The following RAPGEF1 variants were observed in gnomAD, a reference collection of about 807,000 sequenced individuals.
RAPGEF1 encodes the protein CRK SH3-binding GNRP.
RAPGEF1 carries 33 observed loss-of-function variants against 143.3 expected under a neutral mutation model. The ratio of observed to expected loss-of-function variants is 0.23; its 90% CI spans 0.17 to 0.31. RAPGEF1 has a LOEUF of 0.31. RAPGEF1 is among the 10% of genes least tolerant of loss of function. The probability of loss-of-function intolerance (pLI) is 1.00; values close to 1 mark genes in which losing one functional copy is unlikely to be tolerated. For synonymous variants in RAPGEF1, 629 were observed against 676.5 expected (o/e 0.93, Z 1.09); for missense variants, 1,199 against 1,645.4 (o/e 0.73, Z 4.69).
At chr9:131,690,948 C>A (rs1444696238) in intron 1 of RAPGEF1, among the ~76,000 whole-genome samples, 1 of 152,168 alleles carries the variant, frequency 6.6e-6, no homozygotes, top group Non-Finnish European at 1.5e-5. Context: ...TTGATTTACT[C>A]TTAATGAGAA....
chr9:131,600,652 G>T (rs1956117983), intron 15 of RAPGEF1, among the ~76,000 whole-genome samples: 1 of 152,154 alleles, frequency 6.6e-6, no homozygotes, highest in African/African-American at 2.4e-5. Flanking sequence ...TTGCTCTAAG[G>T]TCACCAAAGA....
rs114108988 is a variant in RAPGEF1, at chr9:131,594,453, G to A, written c.2689+1845C>T. Reference sequence around the variant, plus strand: ...GGTCCTGACACCTGAGAGCAGAGCCGTGCAACCACAAAGCACCCCCACACG... The same window carrying A: ...GGTCCTGACACCTGAGAGCAGAGCCATGCAACCACAAAGCACCCCCACACG... On this transcript the variant is annotated intron_variant, in intron 17 of 26. Transcript: ENST00000683357. 2.8e-3 allele frequency among the ~76,000 whole-genome samples: 429 copies of A among 152,256 alleles called. 1 individual carries two copies. Among genetic ancestry groups the A allele is most frequent in the African/African-American group, 9.4e-3 (391 of 41,542 alleles).
chr9:131,695,270 A>G (rs1399896904), intron 1 of RAPGEF1, among the ~76,000 whole-genome samples: 1 of 152,150 alleles, frequency 6.6e-6, no homozygotes, highest in Non-Finnish European at 1.5e-5. Context: ...TCTTTAGCTC[A>G]AATCCCCGCC....
chr9:131,630,116 G>A (rs1036568645), intron 6 of RAPGEF1, 120 bp downstream of exon 6: 2 of 808,900 alleles, frequency 2.5e-6, no homozygotes, highest in South Asian at 1.5e-5. Flanking sequence ...ACTGAAAAAG[G>A]AATATGGGCC....
intron 1 of RAPGEF1, among the ~76,000 whole-genome samples, chr9:131,730,808 G>A (rs961845543): frequency 6.6e-6 from 1 of 151,650 alleles, no homozygotes; most frequent in Non-Finnish European, 1.5e-5. Context: ...AGGAGATTAA[G>A]CAATTTGCCC....
intron 1 of RAPGEF1, among the ~76,000 whole-genome samples, chr9:131,661,208 T>G (rs1280471184): frequency 6.6e-6 from 1 of 152,164 alleles, no homozygotes; most frequent in Non-Finnish European, 1.5e-5. Context: ...ACAGCAGTGC[T>G]CGGCGAATGC....
intron 16 of RAPGEF1, among the ~76,000 whole-genome samples, chr9:131,596,614 G>T (rs561090076): frequency 6.6e-6 from 1 of 152,296 alleles, no homozygotes; most frequent in East Asian, 1.9e-4. Context: ...GGATGGCCTG[G>T]GAGCTGCCCC....
intron 18 of RAPGEF1, 109 bp from the exon 19 acceptor site, chr9:131,590,087 G>A: frequency 1.1e-6 from 1 of 946,358 alleles, no homozygotes; most frequent in African/African-American, 1.6e-5. Context: ...CCATCTTCCT[G>A]CATGTAAAGC....
chr9:131,736,799 G>A (rs1311829697), intron 1 of RAPGEF1, among the ~76,000 whole-genome samples: 1 of 152,128 alleles, frequency 6.6e-6, no homozygotes, highest in East Asian at 1.9e-4. Flanking sequence ...TTTAAGCAAC[G>A]TTTCTGTTGC....
chr9:131,643,415 G>A lies in RAPGEF1; in HGVS notation c.318C>T (p.Asn106=). The A allele has an allele frequency of 6.2e-7, 1 of 1,611,884 alleles. No homozygotes were observed. Among genetic ancestry groups the A allele is most frequent in the Non-Finnish European group, 8.5e-7 (1 of 1,178,954 alleles). ...TCTCTTTCTCCTCCAGCCAGCTCAG[G>A]TTCTGAAAGGAGACGTTAGGCATAA... ...AVASRSQRQK[N]LSWLEEKEKE... The change falls in exon 4 of 27, where the codon AAC becomes AAT. Residue 106 remains asparagine, a splice_region_variant and synonymous_variant. Coordinates refer to ENST00000683357, the MANE Select transcript of RAPGEF1 (RefSeq NM_001377935.1).
chr9:131,638,734 G>C lies in RAPGEF1; in HGVS notation c.552C>G (p.Arg184=). The change falls in exon 5 of 27, where the codon CGC becomes CGG. Residue 184 remains arginine, a synonymous_variant. Transcript: ENST00000683357. The part of the protein sequence containing the change: ...RVYQSLANLI[R]WSDQVMLEGV... ...CTTCCAGCATCACTTGGTCAGACCA[G>C]CGAATGAGGTTGGCGAGGCTTTGGT... 6.2e-7 allele frequency: 1 copy of C among 1,614,036 alleles called. No individual in the cohort carries two copies. The highest frequency in any genetic ancestry group is 8.5e-7 in the Non-Finnish European group (1 of 1,179,884).
intron 22 of RAPGEF1, 94 bp downstream of exon 22, chr9:131,587,639 TCTC>T (rs1953386131): frequency 1.8e-6 from 2 of 1,128,776 alleles, no homozygotes; most frequent in East Asian, 2.6e-5. Context: ...GGCAGCTCCT[TCTC>T]CTACCATTCA....
At chr9:131,598,160 GGGGC>G in intron 16 of RAPGEF1, 35 bp downstream of exon 16, 1 of 1,553,048 alleles carries the variant, frequency 6.4e-7, no homozygotes, top group Non-Finnish European at 8.9e-7. Context: ...TCTCCTCTGT[GGGGC>G]CAGGCTGCAA....
chr9:131,702,829 T>C (rs1834760371), intron 1 of RAPGEF1, among the ~76,000 whole-genome samples: 1 of 152,156 alleles, frequency 6.6e-6, no homozygotes, highest in Non-Finnish European at 1.5e-5. Context: ...TCATAAGTTA[T>C]GGAACAGTAA....
At chr9:131,638,363 A>G (rs1564594366) in intron 5 of RAPGEF1, among the ~76,000 whole-genome samples, 1 of 152,222 alleles carries the variant, frequency 6.6e-6, no homozygotes, top group Non-Finnish European at 1.5e-5. Flanking sequence ...TCTAGCTGGC[A>G]AGCATGCTCA....
chr9:131,723,680 G>T (rs760938598), intron 1 of RAPGEF1, among the ~76,000 whole-genome samples: 1 of 152,180 alleles, frequency 6.6e-6, no homozygotes, highest in African/African-American at 2.4e-5. Flanking sequence ...TCACCCATCA[G>T]TGGACACCTG....
intron 5 of RAPGEF1, among the ~76,000 whole-genome samples, chr9:131,633,418 A>C (rs1965490246): frequency 6.6e-6 from 1 of 152,210 alleles, no homozygotes; most frequent in African/African-American, 2.4e-5. Context: ...TGGATGCCCC[A>C]CTTTCAGATT....
At chr9:131,710,439 T>C (rs1339659140) in intron 1 of RAPGEF1, among the ~76,000 whole-genome samples, 1 of 151,864 alleles carries the variant, frequency 6.6e-6, no homozygotes, top group Non-Finnish European at 1.5e-5. Flanking sequence ...GAACAAAGGG[T>C]TTTCTAGAAG....
At chr9:131,601,171 C>CAAAAAAA (rs11305443) in intron 15 of RAPGEF1, among the ~76,000 whole-genome samples, 2 of 79,444 alleles carry the variant, frequency 2.5e-5, no homozygotes, top group Non-Finnish European at 4.5e-5. Context: ...GACTCCGTCT[C>CAAAAAAA]AAAAAAAAAA....
Sources: gnomAD v4.1 joint callset for allele counts (sites outside exome capture counted in the v4.1 genomes callset) on GRCh38, gnomAD v4.1.1 for gene constraint, MANE v1.5 for transcripts, NCBI Gene and HGNC (gene_info 2026-07-23, HGNC 2026-07-21) for gene names.